Variants in CNTN4 observed in about 807,000 individuals in gnomAD.
CNTN4 encodes contactin-4.
CNTN4 carries 77 observed loss-of-function variants against 122.5 expected under a neutral mutation model. The observed-to-expected ratio is 0.63, with a 90% CI of 0.52 to 0.76. The LOEUF (loss-of-function observed/expected upper bound fraction) is 0.76. CNTN4 is among the 30% of genes least tolerant of loss of function. The probability of loss-of-function intolerance (pLI) is 0.00; values close to 1 mark genes in which losing one functional copy is unlikely to be tolerated. For synonymous variants in CNTN4, 512 were observed against 447.0 expected (o/e 1.15, Z -1.83); for missense variants, 1,256 against 1,259.1 (o/e 1.00, Z 0.04).
chr3:2,596,597 A>G (rs1185825396), intron 4 of CNTN4, among the ~76,000 whole-genome samples: 2 of 151,410 alleles, frequency 1.3e-5, no homozygotes, highest in African/African-American at 4.9e-5. Flanking sequence ...ATTTTTTTTC[A>G]TTTAATCTGC....
At chr3:2,578,580 G>A (rs765595895) in intron 4 of CNTN4, among the ~76,000 whole-genome samples, 1 of 152,158 alleles carries the variant, frequency 6.6e-6, no homozygotes, top group Admixed American at 6.6e-5. Flanking sequence ...ATTAAACCTA[G>A]TACTACTCTG....
chr3:2,809,358 C>A (rs1183590780), intron 6 of CNTN4, among the ~76,000 whole-genome samples: 1 of 152,156 alleles, frequency 6.6e-6, no homozygotes, highest in African/African-American at 2.4e-5. Context: ...ACAGCAAGGA[C>A]ATGGGTCCTG....
At chr3:3,025,153 G>A (rs1345066757) in intron 14 of CNTN4, among the ~76,000 whole-genome samples, 1 of 152,072 alleles carries the variant, frequency 6.6e-6, no homozygotes, top group African/African-American at 2.4e-5. Flanking sequence ...AGGCACTATG[G>A]GTGTGAATGT....
At chr3:2,320,859 GT>G (rs1251808922) in intron 2 of CNTN4, among the ~76,000 whole-genome samples, 2 of 152,020 alleles carry the variant, frequency 1.3e-5, no homozygotes, top group African/African-American at 4.8e-5. Context: ...GTACATCTGT[GT>G]TTATTTGCTC....
At chr3:2,149,449 C>T (rs1362104729) in intron 2 of CNTN4, among the ~76,000 whole-genome samples, 1 of 152,116 alleles carries the variant, frequency 6.6e-6, no homozygotes, top group Non-Finnish European at 1.5e-5. Flanking sequence ...TTCAGAGGCC[C>T]CACTAGCTCA....
At chr3:2,505,243 G>C (rs2076701996) in intron 3 of CNTN4, among the ~76,000 whole-genome samples, 1 of 152,170 alleles carries the variant, frequency 6.6e-6, no homozygotes. Context: ...GTATGACAGA[G>C]AGAGAAGGAA....
intron 3 of CNTN4, among the ~76,000 whole-genome samples, chr3:2,555,248 T>G (rs1039912880): frequency 1.3e-5 from 2 of 152,222 alleles, no homozygotes; most frequent in Non-Finnish European, 2.9e-5. Flanking sequence ...CTTAAGTGGT[T>G]CTGGATAATT....
chr3:2,960,879 A>G (rs1244539293), intron 13 of CNTN4, among the ~76,000 whole-genome samples: 1 of 152,134 alleles, frequency 6.6e-6, no homozygotes, highest in Non-Finnish European at 1.5e-5. Context: ...AAGTCCTTGC[A>G]CATTGGAGCC....
At chr3:2,492,995 T>C (rs941020240) in intron 3 of CNTN4, among the ~76,000 whole-genome samples, 3 of 152,216 alleles carry the variant, frequency 2.0e-5, no homozygotes, top group South Asian at 2.1e-4. Context: ...AGAACTGTTT[T>C]TATTGATTGA....
chr3:2,539,532 G>A (rs1415514098), intron 3 of CNTN4, among the ~76,000 whole-genome samples: 1 of 151,996 alleles, frequency 6.6e-6, no homozygotes, highest in Non-Finnish European at 1.5e-5. Context: ...AAATGCCCTA[G>A]GTATAAATCC....
chr3:2,510,879 C>A (rs1308418793), intron 3 of CNTN4, among the ~76,000 whole-genome samples: 4 of 152,162 alleles, frequency 2.6e-5, no homozygotes, highest in African/African-American at 9.6e-5. Context: ...ATCCATATCA[C>A]CAGTTCCTTT....
intron 2 of CNTN4, among the ~76,000 whole-genome samples, chr3:2,133,819 T>G (rs1255295378): frequency 6.6e-6 from 1 of 152,214 alleles, no homozygotes; most frequent in Non-Finnish European, 1.5e-5. Context: ...CTTTTTCTAA[T>G]TTATCACTGG....
At position 2,769,522 on chromosome 3, in the gene CNTN4, T is replaced by G. The variant is rs895032090; in HGVS notation, c.358+23825T>G. Among the ~76,000 whole-genome samples, 15 of 151,798 alleles carry G rather than the reference T, an allele frequency of 9.9e-5. No homozygotes were observed. The East Asian group carries it at 1.6e-3, about 16-fold the overall frequency. ...CAGTGTTTAGTCAATTAAAGGACAG[T>G]TTTTCTGTTGATACTATCTTTCTGT... On this transcript the variant is annotated intron_variant, in intron 6 of 24. Coordinates refer to ENST00000418658, the MANE Select transcript of CNTN4 (RefSeq NM_175607.3).
intron 2 of CNTN4, among the ~76,000 whole-genome samples, chr3:2,128,654 A>G (rs369731229): frequency 2.6e-5 from 4 of 152,324 alleles, no homozygotes; most frequent in African/African-American, 9.6e-5. Context: ...TGTCTCAAGA[A>G]GAACTTAGGA....
At chr3:2,887,902 T>C (rs1208800995) in intron 10 of CNTN4, among the ~76,000 whole-genome samples, 1 of 152,196 alleles carries the variant, frequency 6.6e-6, no homozygotes, top group East Asian at 1.9e-4. Context: ...TTTCATTGGA[T>C]AGGCATTTTG....
At chr3:2,100,260 A>G (rs2031803174) in intron 1 of CNTN4, among the ~76,000 whole-genome samples, 1 of 152,194 alleles carries the variant, frequency 6.6e-6, no homozygotes, top group Non-Finnish European at 1.5e-5. Context: ...GGGCGGGCAC[A>G]TGTTTGTCAG....
intron 13 of CNTN4, among the ~76,000 whole-genome samples, chr3:2,934,991 C>T (rs575955743): frequency 5.7e-5 from 8 of 139,974 alleles, no homozygotes; most frequent in East Asian, 2.1e-4. Context: ...AAAATAGTTA[C>T]GGCGTTGAGC....
chr3:2,167,881 C>T (rs2149215205), intron 2 of CNTN4, among the ~76,000 whole-genome samples: 1 of 152,260 alleles, frequency 6.6e-6, no homozygotes, highest in South Asian at 2.1e-4. Context: ...CAAGACCAGG[C>T]ATGGTGGCTT....
intron 4 of CNTN4, among the ~76,000 whole-genome samples, chr3:2,626,160 A>C (rs2082176462): frequency 1.3e-5 from 2 of 152,308 alleles, no homozygotes; most frequent in African/African-American, 4.8e-5. Context: ...GTCCTTTGAT[A>C]GAGCAGAAGC....
Sources: gnomAD v4.1 joint callset for allele counts (sites outside exome capture counted in the v4.1 genomes callset) on GRCh38, gnomAD v4.1.1 for gene constraint, MANE v1.5 for transcripts, NCBI Gene and HGNC (gene_info 2026-07-23, HGNC 2026-07-21) for gene names.